KIAA1217: variants seen among roughly 807,000 people sequenced by gnomAD.
The protein encoded by KIAA1217 is KIAA1217.
A neutral mutation model predicts 163.9 loss-of-function variants in KIAA1217; 88 were observed. The ratio of observed to expected loss-of-function variants is 0.54; its 90% confidence interval spans 0.45 to 0.64. The LOEUF (loss-of-function observed/expected upper bound fraction) is 0.64. Ranked by LOEUF, KIAA1217 falls within the 30% of genes least tolerant of loss-of-function variation. The pLI is 0.00. For missense variants in KIAA1217, 2,372 were observed against 2,475.0 expected (o/e 0.96, Z 0.88); for synonymous variants, 903 against 923.1 (o/e 0.98, Z 0.39).
At position 24,010,490 on chromosome 10, in the gene KIAA1217, T is replaced by TA. The variant is rs397809061; in HGVS notation, c.-171+3117dup. 9.9e-4 allele frequency among the ~76,000 whole-genome samples: 150 copies of TA among 151,860 alleles called. 2 individuals carry two copies. Among genetic ancestry groups the TA allele is most frequent in the Middle Eastern group, 6.8e-3 (2 of 294 alleles). ...TAACTGATCGATCCTTTTTTTTTTT[T>TA]ACCAATTTCATAGCAATTGAAAACA... On this transcript the variant is annotated intron_variant, in intron 2 of 18. Coordinates refer to the KIAA1217 transcript ENST00000376462.
At chr10:24,425,991 C>T (rs12571163) in intron 3 of KIAA1217, among the ~76,000 whole-genome samples, 27,651 of 151,928 alleles carry the variant, frequency 0.18, 2,532 homozygotes, top group East Asian at 0.22. Context: ...CATCAGAAAA[C>T]GCAATAAGAA....
chr10:24,219,844 C>G lies in KIAA1217; in HGVS notation c.289C>G (p.Leu97Val), dbSNP rs1358422725. Residue 97 changes from leucine (L) to valine (V), a missense_variant, in exon 2 of 21, where the codon CTG becomes GTG. This residue lies in a region of KIAA1217 where 1,431 missense variants were observed against 1,470.3 expected (regional missense o/e 0.97). Coordinates refer to ENST00000376454, the MANE Select transcript of KIAA1217 (RefSeq NM_019590.5). ...DRKREAFLEH[L>V]KQKYPHHASA... The stretch of plus-strand genomic sequence containing the variant: ...GAAGAGAGAAGCGTTCCTAGAACAT[C>G]TGAAGCAGAAGTACCCCCACCACGC... The G allele has an allele frequency of 6.2e-7, 1 of 1,613,670 alleles. No homozygotes were observed. Among genetic ancestry groups the G allele is most frequent in the East Asian group, 2.2e-5 (1 of 44,860 alleles).
intron 3 of KIAA1217, among the ~76,000 whole-genome samples, chr10:24,401,551 T>C (rs1400158406): frequency 1.3e-5 from 2 of 152,056 alleles, no homozygotes; most frequent in African/African-American, 4.8e-5. Context: ...AATTCATGAT[T>C]AAAAAAACAC....
chr10:24,513,749 G>A (rs1429435008), intron 10 of KIAA1217, among the ~76,000 whole-genome samples: 4 of 148,996 alleles, frequency 2.7e-5, no homozygotes, highest in Non-Finnish European at 4.4e-5. Flanking sequence ...CCAGGAGTTC[G>A]AGACCAGCCT....
At chr10:23,867,269 G>C (rs1202874615) in intron 1 of KIAA1217, among the ~76,000 whole-genome samples, 5 of 151,824 alleles carry the variant, frequency 3.3e-5, no homozygotes, top group Non-Finnish European at 7.4e-5. Context: ...ATTTGGGTTG[G>C]TTCCAAGTCT....
chr10:23,890,132 C>A (rs1206889992), intron 1 of KIAA1217, among the ~76,000 whole-genome samples: 1 of 151,586 alleles, frequency 6.6e-6, no homozygotes, highest in Non-Finnish European at 1.5e-5. Flanking sequence ...GGTTCAAATT[C>A]TTTTCTATTT....
At chr10:24,111,768 T>A (rs1287384078) in intron 2 of KIAA1217, among the ~76,000 whole-genome samples, 1 of 152,142 alleles carries the variant, frequency 6.6e-6, no homozygotes, top group Non-Finnish European at 1.5e-5. Flanking sequence ...GGCTTAGTTT[T>A]TTTGAGTTTT....
chr10:24,469,681 G>A lies in KIAA1217; in HGVS notation c.847-3547G>A, dbSNP rs558133790. Among the ~76,000 whole-genome samples the A allele has an allele frequency of 1.4e-3, 215 of 152,012 alleles. 1 individual carries two copies. Among genetic ancestry groups the A allele is most frequent in the African/African-American group, 4.8e-3 (201 of 41,468 alleles). ...GGCTGGAGTGCAGTGGTATTATCTC[G>A]GCTCACTGCAACCTCCACCTCCCGG... On this transcript the variant is annotated intron_variant, in intron 5 of 20. Transcript: ENST00000376454.
chr10:23,856,028 G>C (rs777592896), intron 1 of KIAA1217, among the ~76,000 whole-genome samples: 2 of 152,168 alleles, frequency 1.3e-5, no homozygotes, highest in African/African-American at 2.4e-5. Flanking sequence ...GTCATTCTCC[G>C]TCCAGCTTTG....
At chr10:23,951,734 C>T (rs564003667) in intron 1 of KIAA1217, among the ~76,000 whole-genome samples, 1 of 152,266 alleles carries the variant, frequency 6.6e-6, no homozygotes, top group South Asian at 2.1e-4. Context: ...ACCCACATAC[C>T]AGAGTTTCCT....
intron 1 of KIAA1217, among the ~76,000 whole-genome samples, chr10:23,965,035 A>G (rs1203983415): frequency 6.6e-6 from 1 of 152,234 alleles, no homozygotes; most frequent in East Asian, 1.9e-4. Context: ...CTGCACATTA[A>G]AGGTGAAAAT....
chr10:24,312,688 G>A (rs996639636), intron 2 of KIAA1217, among the ~76,000 whole-genome samples: 5 of 152,084 alleles, frequency 3.3e-5, no homozygotes, highest in Non-Finnish European at 7.4e-5. Context: ...AGGATGAGAG[G>A]GAGGATTGCT....
chr10:23,909,793 C>T (rs1337381034), intron 1 of KIAA1217, among the ~76,000 whole-genome samples: 1 of 152,124 alleles, frequency 6.6e-6, no homozygotes, highest in Non-Finnish European at 1.5e-5. Context: ...ATTTATAATC[C>T]TTTGGGTATA....
At chr10:24,261,770 T>G (rs574528387) in intron 2 of KIAA1217, among the ~76,000 whole-genome samples, 2 of 152,224 alleles carry the variant, frequency 1.3e-5, no homozygotes, top group Admixed American at 6.5e-5. Flanking sequence ...CACTGATGAC[T>G]GGGAAGAGTT....
rs149569535 is a variant in KIAA1217 at position 23,887,657 on chromosome 10, C to T, written c.-320-119568C>T. On this transcript the variant is annotated intron_variant, in intron 1 of 18. Coordinates refer to the KIAA1217 transcript ENST00000376462. ...ATAAAAATCTAACTTGTTGGGCTTTCGTGACAATCCAGATGTGATTACCCT... is the reference window on the plus strand; with the variant it reads ...ATAAAAATCTAACTTGTTGGGCTTTTGTGACAATCCAGATGTGATTACCCT... Among the ~76,000 whole-genome samples the T allele has an allele frequency of 4.4e-3, 668 of 151,786 alleles. 9 individuals are homozygous for T. Among genetic ancestry groups the T allele is most frequent in the African/African-American group, 0.015 (603 of 41,454 alleles).
At chr10:23,997,460 C>A (rs1359528180) in intron 1 of KIAA1217, among the ~76,000 whole-genome samples, 1 of 152,068 alleles carries the variant, frequency 6.6e-6, no homozygotes, top group Non-Finnish European at 1.5e-5. Context: ...ATTGTGGAAA[C>A]TGCAGTGAAA....
chr10:23,882,679 C>A (rs1287279570), intron 1 of KIAA1217, among the ~76,000 whole-genome samples: 2 of 151,878 alleles, frequency 1.3e-5, no homozygotes, highest in African/African-American at 2.4e-5. Context: ...CTCAAGATAG[C>A]AAATGGTCCA....
chr10:23,991,857 G>A (rs1024604333), intron 1 of KIAA1217, among the ~76,000 whole-genome samples: 3 of 152,136 alleles, frequency 2.0e-5, no homozygotes, highest in African/African-American at 7.2e-5. Context: ...ATTCATGATA[G>A]GAAGTAGCTG....
intron 1 of KIAA1217, among the ~76,000 whole-genome samples, chr10:23,755,394 A>G (rs1833868530): frequency 6.6e-6 from 1 of 152,214 alleles, no homozygotes; most frequent in Non-Finnish European, 1.5e-5. Flanking sequence ...CCACGCAGGC[A>G]TAATAATCTT....
Sources: allele counts gnomAD v4.1 joint callset (sites outside exome capture counted in the v4.1 genomes callset), GRCh38; gene constraint gnomAD v4.1.1; regional missense constraint gnomAD v4.1.1; transcripts MANE v1.5; gene names NCBI Gene and HGNC (gene_info 2026-07-23, HGNC 2026-07-21).